Variants in SLC4A10 observed in about 807,000 individuals in gnomAD.
The protein encoded by SLC4A10 is solute carrier family 4 member 10, also known as sodium-driven chloride bicarbonate exchanger.
Under a neutral mutation model 137.7 loss-of-function variants are expected in SLC4A10, and 42 were observed. That is an observed-to-expected ratio of 0.30 (90% CI 0.24 to 0.39). The LOEUF is 0.39. Ranked by LOEUF, SLC4A10 falls within the 10% of genes least tolerant of loss-of-function variation. SLC4A10 has a pLI of 1.00. For missense variants in SLC4A10, 925 were observed against 1,355.0 expected (o/e 0.68, Z 4.98); for synonymous variants, 474 against 464.1 (o/e 1.02, Z -0.27).
chr2:161,842,124 A>G (rs1337600162), intron 4 of SLC4A10, among the ~76,000 whole-genome samples: 1 of 152,166 alleles, frequency 6.6e-6, no homozygotes, highest in Admixed American at 6.5e-5. Context: ...TTTTTTCCAT[A>G]AAAACCACTG....
At position 161,896,514 on chromosome 2, in the gene SLC4A10, C is replaced by T. The variant is rs181684009; in HGVS notation, c.1341+1689C>T. ...TATAAATTACCTTGGGCAGTATGGC[C>T]ATTTTCACGATATTGATTCTTCCTA... On this transcript the variant is annotated intron_variant, in intron 11 of 26. Coordinates refer to ENST00000446997, the MANE Select transcript of SLC4A10 (RefSeq NM_001178015.2). 4.6e-5 allele frequency among the ~76,000 whole-genome samples: 7 copies of T among 152,098 alleles called. No homozygotes were observed. In the East Asian group the frequency reaches 1.4e-3, roughly 29 times the overall value.
intron 3 of SLC4A10, among the ~76,000 whole-genome samples, chr2:161,830,657 T>TA (rs754594093): frequency 6.6e-6 from 1 of 152,052 alleles, no homozygotes; most frequent in Non-Finnish European, 1.5e-5. Flanking sequence ...AGATAAAATT[T>TA]TAAAAAAAAG....
intron 3 of SLC4A10, among the ~76,000 whole-genome samples, chr2:161,815,938 G>T (rs2057017425): frequency 6.6e-6 from 1 of 152,024 alleles, no homozygotes; most frequent in Admixed American, 6.6e-5. Flanking sequence ...ACCTAAATGT[G>T]GTTTATCAGT....
intron 1 of SLC4A10, among the ~76,000 whole-genome samples, chr2:161,733,086 A>G (rs1242558873): frequency 6.6e-6 from 1 of 152,178 alleles, no homozygotes. Context: ...ATTGAGATAG[A>G]AAAGAAAAAT....
At chr2:161,859,167 A>G (rs570632061) in intron 5 of SLC4A10, among the ~76,000 whole-genome samples, 3 of 152,192 alleles carry the variant, frequency 2.0e-5, no homozygotes, top group Non-Finnish European at 4.4e-5. Flanking sequence ...GCAATATGTC[A>G]TAACCTCTAG....
intron 1 of SLC4A10, among the ~76,000 whole-genome samples, chr2:161,751,822 AAGAACAGAT>A (rs763394830): frequency 2.6e-5 from 4 of 151,896 alleles, no homozygotes; most frequent in Non-Finnish European, 2.9e-5. Flanking sequence ...GATTGGGTAA[AAGAACAGAT>A]CTTCCAAGTA....
At chr2:161,645,904 T>A (rs2105527303) in intron 1 of SLC4A10, among the ~76,000 whole-genome samples, 1 of 152,150 alleles carries the variant, frequency 6.6e-6, no homozygotes, top group South Asian at 2.1e-4. Flanking sequence ...TTAATATTAG[T>A]AAGCATTTAC....
At chr2:161,667,078 C>G (rs1221419147) in intron 1 of SLC4A10, among the ~76,000 whole-genome samples, 2 of 151,406 alleles carry the variant, frequency 1.3e-5, no homozygotes, top group African/African-American at 2.4e-5. Context: ...TAAATGTAGA[C>G]GTGTAGTTGG....
chr2:161,628,423 T>C (rs2032877837), intron 1 of SLC4A10, among the ~76,000 whole-genome samples: 1 of 152,094 alleles, frequency 6.6e-6, no homozygotes, highest in Admixed American at 6.6e-5. Flanking sequence ...TTGGATTTAG[T>C]ACTTTTAGAA....
intron 14 of SLC4A10, 45 bp from the exon 15 acceptor site, chr2:161,905,597 T>C: frequency 6.5e-7 from 1 of 1,534,938 alleles, no homozygotes; most frequent in Non-Finnish European, 8.7e-7. Context: ...TAGCAAGCTG[T>C]TAAATGACCT....
intron 1 of SLC4A10, among the ~76,000 whole-genome samples, chr2:161,670,929 T>C (rs1351269019): frequency 3.3e-5 from 5 of 152,166 alleles, no homozygotes; most frequent in Non-Finnish European, 5.9e-5. Flanking sequence ...CTGAGCCACA[T>C]GTATGCTCCT....
chr2:161,735,395 T>G (rs1414585971), intron 1 of SLC4A10, among the ~76,000 whole-genome samples: 2 of 152,084 alleles, frequency 1.3e-5, no homozygotes, highest in Non-Finnish European at 2.9e-5. Flanking sequence ...TTATTTTTGA[T>G]AATTAATGTT....
intron 21 of SLC4A10, among the ~76,000 whole-genome samples, chr2:161,958,874 A>C (rs541749828): frequency 6.6e-6 from 1 of 152,314 alleles, no homozygotes; most frequent in East Asian, 1.9e-4. Flanking sequence ...CACTTTAATC[A>C]TGTGTATGGA....
At chr2:161,784,478 A>G (rs993029637) in intron 2 of SLC4A10, among the ~76,000 whole-genome samples, 2 of 151,926 alleles carry the variant, frequency 1.3e-5, no homozygotes, top group African/African-American at 4.8e-5. Context: ...AATATTCTCC[A>G]GAATAGATCA....
rs561502105 is a variant in SLC4A10 at position 161,866,078 on chromosome 2, G to A, written c.766+3016G>A. ...AGCATAGTGGTAGAAATAAGTCCCCGTTTCTTGTTTAATGTGCTAAAATTA... is the reference window on the plus strand; with the variant it reads ...AGCATAGTGGTAGAAATAAGTCCCCATTTCTTGTTTAATGTGCTAAAATTA... On this transcript the variant is annotated intron_variant, in intron 6 of 26. Transcript: ENST00000446997. Among the ~76,000 whole-genome samples the A allele has an allele frequency of 2.0e-5, 3 of 151,960 alleles. 1 individual carries two copies. The highest frequency in any genetic ancestry group is 7.2e-5 in the African/African-American group (3 of 41,502).
intron 3 of SLC4A10, among the ~76,000 whole-genome samples, chr2:161,822,870 G>C (rs963768136): frequency 1.3e-5 from 2 of 152,154 alleles, no homozygotes; most frequent in Admixed American, 1.3e-4. Context: ...AGCTATTTGG[G>C]AGCCTGGAGC....
At chr2:161,756,967 G>C (rs1452306891) in intron 1 of SLC4A10, among the ~76,000 whole-genome samples, 2 of 152,004 alleles carry the variant, frequency 1.3e-5, no homozygotes, top group Non-Finnish European at 1.5e-5. Context: ...GCATGTAAAC[G>C]AGAAAAAAAT....
intron 15 of SLC4A10, among the ~76,000 whole-genome samples, chr2:161,932,788 C>A (rs1052676466): frequency 6.6e-6 from 1 of 152,118 alleles, no homozygotes; most frequent in Non-Finnish European, 1.5e-5. Flanking sequence ...TTCAAAAGAC[C>A]TCTCAGTGTT....
At chr2:161,843,663 A>G (rs1227925) in intron 4 of SLC4A10, among the ~76,000 whole-genome samples, 102,989 of 151,994 alleles carry the variant, frequency 0.68, 35,214 homozygotes, top group East Asian at 0.99. Context: ...ATCTAAAAAC[A>G]CTAATTTTTG....
Sources: allele counts gnomAD v4.1 joint callset (sites outside exome capture counted in the v4.1 genomes callset), GRCh38; gene constraint gnomAD v4.1.1; transcripts MANE v1.5; gene names NCBI Gene and HGNC (gene_info 2026-07-23, HGNC 2026-07-21).